Variants in SEMA5A observed in about 807,000 individuals in gnomAD.
SEMA5A encodes semaphorin 5A, also known as semaphorin-5A.
SEMA5A carries 55 observed loss-of-function variants against 135.5 expected under a neutral mutation model. That is an observed-to-expected ratio of 0.41 (90% CI 0.33 to 0.51). The LOEUF (loss-of-function observed/expected upper bound fraction) is 0.51, where lower values mean the gene tolerates loss of function less well. Among genes scored for constraint, SEMA5A ranks in the 20% least tolerant of loss-of-function variants. The pLI is 0.37. For missense variants in SEMA5A, 1,290 were observed against 1,419.9 expected (o/e 0.91, Z 1.47); for synonymous variants, 580 against 546.5 (o/e 1.06, Z -0.85).
intron 2 of SEMA5A, among the ~76,000 whole-genome samples, chr5:9,435,602 C>T (rs1430685940): frequency 6.6e-6 from 1 of 152,206 alleles, no homozygotes; most frequent in Non-Finnish European, 1.5e-5. Context: ...CCCCGAAACA[C>T]TCTCATTCAC....
chr5:9,298,047 C>T (rs982137496), intron 5 of SEMA5A, among the ~76,000 whole-genome samples: 2 of 152,176 alleles, frequency 1.3e-5, no homozygotes, highest in Admixed American at 6.5e-5. Flanking sequence ...GTCATTATGA[C>T]TTGAACTGTG....
At chr5:9,238,275 T>A (rs1259861603) in intron 5 of SEMA5A, among the ~76,000 whole-genome samples, 1 of 152,220 alleles carries the variant, frequency 6.6e-6, no homozygotes, top group Non-Finnish European at 1.5e-5. Context: ...ATAATTTAAA[T>A]ATTAATTTTA....
chr5:9,326,830 T>C (rs926043226), intron 4 of SEMA5A, among the ~76,000 whole-genome samples: 1 of 152,132 alleles, frequency 6.6e-6, no homozygotes, highest in Non-Finnish European at 1.5e-5. Context: ...ACATAAAGTG[T>C]TGTAAAATTA....
chr5:9,077,663 C>G (rs1738141415), intron 16 of SEMA5A, among the ~76,000 whole-genome samples: 1 of 152,150 alleles, frequency 6.6e-6, no homozygotes, highest in Non-Finnish European at 1.5e-5. Flanking sequence ...GTGAGCTTCC[C>G]CAGGGCAAAG....
intron 11 of SEMA5A, among the ~76,000 whole-genome samples, chr5:9,158,121 A>G (rs1000096804): frequency 6.6e-6 from 1 of 152,306 alleles, no homozygotes; most frequent in Non-Finnish European, 1.5e-5. Flanking sequence ...TGAACAAATG[A>G]GTGAGGGAAA....
chr5:9,228,722 AT>A (rs1747457358), intron 6 of SEMA5A, among the ~76,000 whole-genome samples: 1 of 152,266 alleles, frequency 6.6e-6, no homozygotes, highest in Non-Finnish European at 1.5e-5. Context: ...CAAAGCCAGA[AT>A]AGTGAGTCAA....
intron 16 of SEMA5A, among the ~76,000 whole-genome samples, chr5:9,093,910 G>A (rs1224778042): frequency 6.6e-6 from 1 of 152,016 alleles, no homozygotes; most frequent in Non-Finnish European, 1.5e-5. Flanking sequence ...AGACTTTCAG[G>A]GAAGCTCCTC....
intron 1 of SEMA5A, among the ~76,000 whole-genome samples, chr5:9,494,822 AT>A (rs976723543): frequency 6.6e-5 from 10 of 152,214 alleles, no homozygotes; most frequent in African/African-American, 2.2e-4. Flanking sequence ...CAAAACAAGT[AT>A]TTTGTGCTTT....
At position 9,339,355 on chromosome 5, in the gene SEMA5A, G is replaced by A. The variant is rs1339061573; in HGVS notation, c.125-1543C>T. ...AGTGACAGGAAAGATGTCCTAGAGG[G>A]GCAAAGCAAGACAGCAACATGGGAG... On this transcript the variant is annotated intron_variant, in intron 3 of 22. Coordinates refer to ENST00000382496, the MANE Select transcript of SEMA5A (RefSeq NM_003966.3). Among the ~76,000 whole-genome samples, 11 of 152,234 alleles carry A rather than the reference G, an allele frequency of 7.2e-5. No individual in the cohort carries two copies. The East Asian group carries it at 1.9e-3, about 27-fold the overall frequency.
chr5:9,135,274 G>A (rs1181172852), intron 13 of SEMA5A, among the ~76,000 whole-genome samples: 6 of 148,022 alleles, frequency 4.1e-5, no homozygotes, highest in African/African-American at 1.3e-4. Context: ...TCTGCCTCCC[G>A]AGTTCACGCC....
At chr5:9,542,898 A>G (rs1738168316) in intron 1 of SEMA5A, among the ~76,000 whole-genome samples, 1 of 152,232 alleles carries the variant, frequency 6.6e-6, no homozygotes, top group African/African-American at 2.4e-5. Context: ...ACTTGTCTAC[A>G]TAATGCAATG....
chr5:9,458,159 G>A (rs268539), intron 1 of SEMA5A, among the ~76,000 whole-genome samples: 6,735 of 151,798 alleles, frequency 0.044, 260 homozygotes, highest in African/African-American at 0.11. Flanking sequence ...CGCCCGCCTC[G>A]GCCTCCCAAA....
chr5:9,270,705 G>A (rs796445709), intron 5 of SEMA5A, among the ~76,000 whole-genome samples: 9 of 152,052 alleles, frequency 5.9e-5, no homozygotes, highest in African/African-American at 1.4e-4. Context: ...GGCAGCGGGT[G>A]GGGGCAGGGG....
At chr5:9,420,373 C>T (rs932521624) in intron 2 of SEMA5A, among the ~76,000 whole-genome samples, 2 of 152,222 alleles carry the variant, frequency 1.3e-5, no homozygotes, top group East Asian at 3.9e-4. Flanking sequence ...GGTAGTTGCA[C>T]TCATAGAAGA....
chr5:9,298,429 G>T (rs1751446531), intron 5 of SEMA5A, among the ~76,000 whole-genome samples: 1 of 152,208 alleles, frequency 6.6e-6, no homozygotes, highest in South Asian at 2.1e-4. Context: ...CCAGAACTGT[G>T]AGGTCATCCA....
At chr5:9,050,320 A>T in intron 21 of SEMA5A, 90 bp downstream of exon 21, 6 of 1,225,772 alleles carry the variant, frequency 4.9e-6, no homozygotes, top group Non-Finnish European at 6.8e-6. Flanking sequence ...CTTGGCCAAG[A>T]GGCAGAAAAA....
chr5:9,400,500 C>CTTTTTTTTT, intron 2 of SEMA5A, among the ~76,000 whole-genome samples: 1 of 85,412 alleles, frequency 1.2e-5, no homozygotes, highest in Non-Finnish European at 2.3e-5. Flanking sequence ...ACACAATGTA[C>CTTTTTTTTT]ATTTTTTTTT....
chr5:9,169,390 T>C (rs750736668), intron 11 of SEMA5A, among the ~76,000 whole-genome samples: 1 of 152,194 alleles, frequency 6.6e-6, no homozygotes. Context: ...CCTCTCTCCA[T>C]GCTTGCTTAT....
chr5:9,109,659 T>G (rs1740136925), intron 15 of SEMA5A, among the ~76,000 whole-genome samples: 1 of 152,162 alleles, frequency 6.6e-6, no homozygotes. Context: ...GTCACCTTTA[T>G]TGTCATCAAT....
Sources: allele counts gnomAD v4.1 joint callset (sites outside exome capture counted in the v4.1 genomes callset), GRCh38; gene constraint gnomAD v4.1.1; transcripts MANE v1.5; gene names NCBI Gene and HGNC (gene_info 2026-07-23, HGNC 2026-07-21).